The following BTBD7 variants were observed in gnomAD, a reference collection of about 807,000 sequenced individuals.
BTBD7 encodes the protein BTB/POZ domain-containing protein 7.
Under a neutral mutation model 99.9 loss-of-function variants are expected in BTBD7, and 38 were observed. That is an observed-to-expected ratio of 0.38 (90% confidence interval 0.29 to 0.50). The LOEUF (loss-of-function observed/expected upper bound fraction) is 0.50, where lower values mean the gene tolerates loss of function less well. Ranked by LOEUF, BTBD7 falls within the 20% of genes least tolerant of loss-of-function variation. The pLI, the probability that BTBD7 is intolerant of heterozygous loss-of-function variation, is 0.93. For synonymous variants in BTBD7, 520 were observed against 511.4 expected (o/e 1.02, Z -0.23); for missense variants, 1,170 against 1,394.6 (o/e 0.84, Z 2.57).
At chr14:93,306,170 G>A (rs890320113) in intron 1 of BTBD7, among the ~76,000 whole-genome samples, 1 of 152,190 alleles carries the variant, frequency 6.6e-6, no homozygotes, top group African/African-American at 2.4e-5. Flanking sequence ...GGGGAATGGT[G>A]GAGAGGAAGA....
intron 1 of BTBD7, among the ~76,000 whole-genome samples, chr14:93,299,069 C>T (rs1326584584): frequency 6.6e-6 from 1 of 152,144 alleles, no homozygotes; most frequent in African/African-American, 2.4e-5. Flanking sequence ...CCTACTGGAG[C>T]TCTATATACT....
chr14:93,266,560 GT>G, intron 3 of BTBD7, among the ~76,000 whole-genome samples: 1 of 151,934 alleles, frequency 6.6e-6, no homozygotes, highest in Admixed American at 6.5e-5. Context: ...GGAGATTTTG[GT>G]TCAATGATAA....
At chr14:93,330,854 G>A (rs80035525) in intron 1 of BTBD7, among the ~76,000 whole-genome samples, 11,969 of 152,226 alleles carry the variant, frequency 0.079, 1,010 homozygotes, top group African/African-American at 0.21. Context: ...AAACTAGGTA[G>A]TGTAACCTAG....
chr14:93,280,558 TATAAAC>T lies in BTBD7; in HGVS notation c.1162+13294_1162+13299del, dbSNP rs1266594206. On this transcript the variant is annotated intron_variant, in intron 3 of 10. Transcript: ENST00000334746. ...CATGTATAACATTTATCAGAAGTTT[TATAAAC>T]ATAAACATGCCAATACCTAAGTATG... 8.5e-5 allele frequency among the ~76,000 whole-genome samples: 13 copies of T among 152,274 alleles called. 1 individual carries two copies. Among genetic ancestry groups the T allele is most frequent in the African/African-American group, 2.9e-4 (12 of 41,556 alleles).
Position 93,246,022 on chromosome 14 carries a change from G to T in BTBD7, c.2386C>A (p.Pro796Thr). Reference protein sequence around the residue: ...SQHPSRSFSYPCNHSLFHSRT... With the variant: ...SQHPSRSFSYTCNHSLFHSRT... ...GAGTGGAACAGCGAATGATTACAGG[G>T]ATAAGAAAATGAACGTGAAGGGTGC... Residue 796 changes from proline (P) to threonine (T), a missense_variant, in exon 10 of 11, where the codon CCC becomes ACC. Around this residue, in one of 4 missense-constraint regions of BTBD7, gnomAD observed 495 missense variants for 525.9 expected, o/e 0.94. Transcript: ENST00000334746. 6.2e-7 allele frequency: 1 copy of T among 1,612,630 alleles called. No individual in the cohort carries two copies. Among genetic ancestry groups the T allele is most frequent in the Non-Finnish European group, 8.5e-7 (1 of 1,179,584 alleles).
chr14:93,238,671 T>TTA lies in BTBD7; in HGVS notation c.*3600_*3601dup, dbSNP rs1389900680. 2.6e-5 allele frequency: 4 copies of TTA among 152,264 alleles called. No individual in the cohort carries two copies. The highest frequency in any genetic ancestry group is 5.9e-5 in the Non-Finnish European group (4 of 68,046). The allele number at this position is 152,264 out of a possible 1,614,324, so 9.4% of individuals were successfully genotyped here. On this transcript the variant is annotated 3_prime_UTR_variant, in exon 11 of 11. Transcript: ENST00000334746. ...GTTTTCCTAAAAGGCAAATTCAACA[T>TTA]TATGAAAATATATATTTTGCCGGGT... is the stretch of plus-strand genomic sequence containing the variant.
At chr14:93,323,992 G>A (rs919564089) in intron 1 of BTBD7, among the ~76,000 whole-genome samples, 2 of 152,272 alleles carry the variant, frequency 1.3e-5, no homozygotes, top group Non-Finnish European at 2.9e-5. Context: ...AGAGGAGTCA[G>A]GCATACAAGC....
chr14:93,267,805 A>G (rs1176633024), intron 3 of BTBD7, among the ~76,000 whole-genome samples: 1 of 152,096 alleles, frequency 6.6e-6, no homozygotes, highest in Non-Finnish European at 1.5e-5. Flanking sequence ...TCTCCATTGA[A>G]TTTTTACCAC....
chr14:93,288,622 G>A (rs748112727), intron 3 of BTBD7: 1 of 1,114,190 alleles, frequency 9.0e-7, no homozygotes, highest in Admixed American at 1.7e-5. Context: ...GTTATCCTTG[G>A]ATGGGTTTTC....
At chr14:93,331,439 C>A (rs1595349708) in intron 1 of BTBD7, among the ~76,000 whole-genome samples, 1 of 152,158 alleles carries the variant, frequency 6.6e-6, no homozygotes, top group Non-Finnish European at 1.5e-5. Flanking sequence ...TTTCTGACTC[C>A]AAAATTCCAT....
intron 1 of BTBD7, among the ~76,000 whole-genome samples, chr14:93,313,385 T>C (rs1017675989): frequency 6.6e-6 from 1 of 152,210 alleles, no homozygotes; most frequent in Admixed American, 6.5e-5. Context: ...GATTAGTTAG[T>C]TGTTAGGGTT....
At chr14:93,306,871 T>G (rs1323732396) in intron 1 of BTBD7, among the ~76,000 whole-genome samples, 1 of 152,220 alleles carries the variant, frequency 6.6e-6, no homozygotes, top group Non-Finnish European at 1.5e-5. Context: ...CTAAGATTTT[T>G]AGAGATCATT....
At chr14:93,245,794 T>C (rs766073836) in intron 10 of BTBD7, 31 bp downstream of exon 10, 2 of 1,589,344 alleles carry the variant, frequency 1.3e-6, no homozygotes, top group South Asian at 1.1e-5. Flanking sequence ...ATAAACCGAA[T>C]TTGAAGCAAG....
intron 1 of BTBD7, among the ~76,000 whole-genome samples, chr14:93,315,238 CATTAA>C (rs1284988872): frequency 1.3e-5 from 2 of 152,176 alleles, no homozygotes; most frequent in Non-Finnish European, 2.9e-5. Flanking sequence ...AGGAAGTTAA[CATTAA>C]ATTAAGAGTT....
intron 5 of BTBD7, among the ~76,000 whole-genome samples, chr14:93,259,412 A>G (rs2052464769): frequency 6.6e-6 from 1 of 152,196 alleles, no homozygotes. Context: ...TAAAAATGTA[A>G]AAAATGTGGC....
At chr14:93,295,867 A>T in intron 2 of BTBD7, 103 bp downstream of exon 2, 1 of 1,039,562 alleles carries the variant, frequency 9.6e-7, no homozygotes, top group Non-Finnish European at 1.4e-6. Context: ...CAGAATTATT[A>T]TAATAACTAC....
chr14:93,261,240 G>A (rs1408380668), intron 5 of BTBD7, among the ~76,000 whole-genome samples: 1 of 152,084 alleles, frequency 6.6e-6, no homozygotes, highest in Non-Finnish European at 1.5e-5. Flanking sequence ...GTATTGTTGT[G>A]CAACCATCAA....
chr14:93,252,310 TA>T (rs202045410), intron 7 of BTBD7, among the ~76,000 whole-genome samples: 2,752 of 136,660 alleles, frequency 0.02, 54 homozygotes, highest in African/African-American at 0.058. Context: ...AACTCCGTCT[TA>T]AAAAAAAAAA....
intron 10 of BTBD7, chr14:93,244,327 T>A: frequency 4.6e-6 from 1 of 219,644 alleles, no homozygotes; most frequent in Non-Finnish European, 9.3e-6. Flanking sequence ...GTTGTAAGCA[T>A]CATCTTTTGT....
Sources: gnomAD v4.1 joint callset for allele counts (sites outside exome capture counted in the v4.1 genomes callset) on GRCh38, gnomAD v4.1.1 for gene constraint, gnomAD v4.1.1 regional missense constraint, MANE v1.5 for transcripts, NCBI Gene and HGNC (gene_info 2026-07-23, HGNC 2026-07-21) for gene names.